The following FGF14 variants were observed in gnomAD, a reference collection of about 807,000 sequenced individuals.
The protein encoded by FGF14 is fibroblast growth factor homologous factor 4.
In FGF14, 5 loss-of-function variants were observed where a neutral mutation model predicts 25.5. That is an observed-to-expected ratio of 0.20 (90% CI 0.10 to 0.41). The LOEUF (loss-of-function observed/expected upper bound fraction) is 0.41, where lower values mean the gene tolerates loss of function less well. Among genes scored for constraint, FGF14 ranks in the 10% least tolerant of loss-of-function variants. The probability of loss-of-function intolerance (pLI) is 1.00; values close to 1 mark genes in which losing one functional copy is unlikely to be tolerated. For synonymous variants in FGF14, 138 were observed against 118.3 expected (o/e 1.17, Z -1.08); for missense variants, 222 against 320.1 (o/e 0.69, Z 2.34).
intron 1 of FGF14, among the ~76,000 whole-genome samples, chr13:102,087,487 T>C (rs894957085): frequency 9.1e-5 from 13 of 142,532 alleles, no homozygotes; most frequent in Non-Finnish European, 7.6e-5. Flanking sequence ...TCTCGGCTCA[T>C]TGCAAGCTCT....
At chr13:101,944,048 T>G (rs2035649529) in intron 1 of FGF14, among the ~76,000 whole-genome samples, 1 of 151,216 alleles carries the variant, frequency 6.6e-6, no homozygotes, top group African/African-American at 2.4e-5. Context: ...CAAAACCACT[T>G]TCAGCAGACA....
chr13:101,884,214 G>A (rs1451937911), intron 1 of FGF14, among the ~76,000 whole-genome samples: 1 of 152,010 alleles, frequency 6.6e-6, no homozygotes, highest in African/African-American at 2.4e-5. Context: ...CCACTCAGCT[G>A]TGCTCTAGGT....
chr13:101,916,234 C>A (rs1285864838), intron 1 of FGF14, among the ~76,000 whole-genome samples: 1 of 152,258 alleles, frequency 6.6e-6, no homozygotes, highest in African/African-American at 2.4e-5. Context: ...CGGCGAGGAG[C>A]AGCCAACTTG....
At chr13:102,310,437 G>A (rs781158901) in intron 1 of FGF14, among the ~76,000 whole-genome samples, 6 of 152,106 alleles carry the variant, frequency 3.9e-5, no homozygotes, top group Non-Finnish European at 8.8e-5. Context: ...GGAATGAATG[G>A]AACTAATAAG....
At chr13:102,270,462 C>A (rs1385720387) in intron 1 of FGF14, among the ~76,000 whole-genome samples, 27 of 152,124 alleles carry the variant, frequency 1.8e-4, no homozygotes, top group Admixed American at 1.8e-3. Flanking sequence ...GTTTTCATTA[C>A]TGTAACACTT....
intron 1 of FGF14, among the ~76,000 whole-genome samples, chr13:102,330,145 T>C (rs1231620076): frequency 6.6e-6 from 1 of 152,150 alleles, no homozygotes; most frequent in African/African-American, 2.4e-5. Flanking sequence ...AGTATTGTTC[T>C]CCACTCCAAA....
At chr13:102,057,865 G>A (rs1215999580) in intron 1 of FGF14, among the ~76,000 whole-genome samples, 2 of 152,182 alleles carry the variant, frequency 1.3e-5, no homozygotes, top group Non-Finnish European at 1.5e-5. Context: ...AATTCTTGAA[G>A]TGTCTTAATT....
At chr13:102,158,546 A>AG (rs1304221974) in intron 1 of FGF14, among the ~76,000 whole-genome samples, 5 of 151,208 alleles carry the variant, frequency 3.3e-5, no homozygotes, top group Non-Finnish European at 4.4e-5. Flanking sequence ...GGGGGGGGAT[A>AG]CATTAGGAGA....
intron 1 of FGF14, among the ~76,000 whole-genome samples, chr13:101,901,966 C>T (rs2031615642): frequency 6.6e-6 from 1 of 152,098 alleles, no homozygotes; most frequent in Non-Finnish European, 1.5e-5. Flanking sequence ...TGGACATATT[C>T]ATATACTTGT....
At chr13:102,158,590 C>A (rs898930166) in intron 1 of FGF14, among the ~76,000 whole-genome samples, 2 of 151,702 alleles carry the variant, frequency 1.3e-5, no homozygotes, top group Admixed American at 1.3e-4. Context: ...TTAATGGGTG[C>A]AGCACACCAA....
intron 1 of FGF14, among the ~76,000 whole-genome samples, chr13:102,118,598 A>G (rs1324642164): frequency 1.3e-5 from 2 of 152,158 alleles, no homozygotes; most frequent in Non-Finnish European, 2.9e-5. Flanking sequence ...GGTTTTCAGA[A>G]TAACTCATGA....
intron 1 of FGF14, among the ~76,000 whole-genome samples, chr13:101,981,792 A>T (rs1466563761): frequency 6.6e-6 from 1 of 152,134 alleles, no homozygotes; most frequent in Non-Finnish European, 1.5e-5. Flanking sequence ...AAAGAAAAAC[A>T]CTCTTCAGAC....
At chr13:101,881,993 G>C (rs1033035968) in intron 1 of FGF14, among the ~76,000 whole-genome samples, 2 of 152,110 alleles carry the variant, frequency 1.3e-5, no homozygotes. Context: ...AGGATTTTAT[G>C]TAAGTTCTTA....
intron 3 of FGF14, among the ~76,000 whole-genome samples, chr13:101,857,651 A>C (rs4575397): frequency 0.72 from 109,651 of 151,856 alleles, 40,363 homozygotes; most frequent in African/African-American, 0.86. Context: ...AAATGTAGTG[A>C]GCATGGAACT....
intron 1 of FGF14, among the ~76,000 whole-genome samples, chr13:102,173,631 T>C (rs1357723834): frequency 6.6e-6 from 1 of 152,144 alleles, no homozygotes; most frequent in Non-Finnish European, 1.5e-5. Flanking sequence ...TACAATGGAA[T>C]ATTTTTCAGC....
intron 1 of FGF14, among the ~76,000 whole-genome samples, chr13:102,308,911 T>C (rs1213094333): frequency 1.1e-4 from 14 of 122,634 alleles, no homozygotes; most frequent in African/African-American, 4.3e-4. Context: ...GGAGGGTTTC[T>C]TATACAAAAA....
chr13:102,352,717 C>T (rs1233329829), intron 1 of FGF14, among the ~76,000 whole-genome samples: 2 of 149,778 alleles, frequency 1.3e-5, no homozygotes, highest in Non-Finnish European at 2.9e-5. Context: ...GAGGCTGAGG[C>T]AGGAGAATGG....
chr13:101,903,321 T>C lies in FGF14; in HGVS notation c.193+13132A>G, dbSNP rs2031810862. 2.6e-5 allele frequency among the ~76,000 whole-genome samples: 4 copies of C among 152,100 alleles called. No individual in the cohort carries two copies. The South Asian group carries it at 8.3e-4, about 32-fold the overall frequency. On this transcript the variant is annotated intron_variant, in intron 1 of 4. Coordinates refer to ENST00000376143, the MANE Select transcript of FGF14 (RefSeq NM_004115.4). ...TTGTCATTATTTCCATATTTCCTCA[T>C]TGAAGCTTTATTCTCTTTAAATGGG...
At chr13:101,862,688 A>C (rs1053690652) in intron 3 of FGF14, among the ~76,000 whole-genome samples, 1 of 152,158 alleles carries the variant, frequency 6.6e-6, no homozygotes, top group African/African-American at 2.4e-5. Flanking sequence ...AATTACACGA[A>C]TGCTGGATGT....
Sources: allele counts gnomAD v4.1 joint callset (sites outside exome capture counted in the v4.1 genomes callset), GRCh38; gene constraint gnomAD v4.1.1; transcripts MANE v1.5; gene names NCBI Gene and HGNC (gene_info 2026-07-23, HGNC 2026-07-21).